The following GRM8 variants were observed in gnomAD, a reference collection of about 807,000 sequenced individuals.
GRM8 encodes metabotropic glutamate receptor 8.
In GRM8, 47 loss-of-function variants were observed where a neutral mutation model predicts 87.2. The observed-to-expected ratio is 0.54, with a 90% CI of 0.43 to 0.69. The LOEUF is 0.69. Among genes scored for constraint, GRM8 ranks in the 30% least tolerant of loss-of-function variants. GRM8 has a pLI of 0.00. For missense variants in GRM8, 1,019 were observed against 1,139.2 expected (o/e 0.89, Z 1.52); for synonymous variants, 396 against 404.5 (o/e 0.98, Z 0.25).
chr7:127,103,486 C>T (rs1347575122), intron 3 of GRM8, among the ~76,000 whole-genome samples: 1 of 152,192 alleles, frequency 6.6e-6, no homozygotes, highest in Non-Finnish European at 1.5e-5. Context: ...GTGGATGCCA[C>T]TTTGCTTCCT....
At position 126,662,040 on chromosome 7, in the gene GRM8, GT is replaced by G. The variant is rs891135970; in HGVS notation, c.1358-52543del. On this transcript the variant is annotated intron_variant, in intron 7 of 10. Transcript: ENST00000339582. ...CATGACTACATTCCTACTTTGCTCA[GT>G]TTTAATTTTATAATAAATACCTTAA... Among the ~76,000 whole-genome samples the G allele has an allele frequency of 4.4e-4, 67 of 152,080 alleles. 1 individual carries two copies. Among genetic ancestry groups the G allele is most frequent in the East Asian group, 5.8e-4 (3 of 5,194 alleles).
chr7:127,127,237 A>G (rs1827424662), intron 2 of GRM8, among the ~76,000 whole-genome samples: 1 of 152,058 alleles, frequency 6.6e-6, no homozygotes, highest in African/African-American at 2.4e-5. Flanking sequence ...CTTATAAAAT[A>G]TAAATATATG....
chr7:127,060,649 G>A (rs1385564289), intron 3 of GRM8, among the ~76,000 whole-genome samples: 1 of 152,062 alleles, frequency 6.6e-6, no homozygotes, highest in Non-Finnish European at 1.5e-5. Context: ...CTTAAGATTT[G>A]TTTCTTTAAG....
chr7:126,785,875 T>C (rs1017018967), intron 6 of GRM8, among the ~76,000 whole-genome samples: 36 of 152,112 alleles, frequency 2.4e-4, no homozygotes, highest in African/African-American at 8.2e-4. Flanking sequence ...AAACAAATGT[T>C]ATTTCCACTC....
At chr7:126,659,308 T>C (rs966777961) in intron 7 of GRM8, among the ~76,000 whole-genome samples, 1 of 152,206 alleles carries the variant, frequency 6.6e-6, no homozygotes, top group Non-Finnish European at 1.5e-5. Context: ...TGTGGTGGCA[T>C]TTCTGTTAAA....
intron 3 of GRM8, among the ~76,000 whole-genome samples, chr7:126,945,611 A>T (rs1459577942): frequency 6.6e-6 from 1 of 152,236 alleles, no homozygotes. Flanking sequence ...AATGAATTTC[A>T]TGTTTATACT....
intron 7 of GRM8, among the ~76,000 whole-genome samples, chr7:126,662,764 A>C (rs1289321046): frequency 6.6e-6 from 1 of 152,184 alleles, no homozygotes; most frequent in Non-Finnish European, 1.5e-5. Context: ...CATCCAGTAC[A>C]ACAAGAGTCG....
At chr7:126,727,690 C>A (rs1813149329) in intron 7 of GRM8, among the ~76,000 whole-genome samples, 1 of 148,254 alleles carries the variant, frequency 6.7e-6, no homozygotes, top group South Asian at 2.2e-4. Flanking sequence ...AAAACACTTG[C>A]TCATCTGAAA....
chr7:127,166,936 AG>A (rs1210093312), intron 2 of GRM8, among the ~76,000 whole-genome samples: 1 of 152,172 alleles, frequency 6.6e-6, no homozygotes, highest in Non-Finnish European at 1.5e-5. Flanking sequence ...CCCTGATCAA[AG>A]GAAAGGATTC....
intron 9 of GRM8, among the ~76,000 whole-genome samples, chr7:126,507,833 C>T (rs566725236): frequency 6.6e-6 from 1 of 152,096 alleles, no homozygotes; most frequent in South Asian, 2.1e-4. Flanking sequence ...ATCTTCAACC[C>T]TAATTCCCTG....
At chr7:126,802,597 A>T (rs1008892198) in intron 6 of GRM8, among the ~76,000 whole-genome samples, 1 of 152,170 alleles carries the variant, frequency 6.6e-6, no homozygotes, top group Non-Finnish European at 1.5e-5. Flanking sequence ...CATTTTGATA[A>T]GTGGAATAAG....
At chr7:126,746,591 C>T (rs540565692) in intron 7 of GRM8, among the ~76,000 whole-genome samples, 172 of 151,654 alleles carry the variant, frequency 1.1e-3, no homozygotes, top group African/African-American at 3.7e-3. Flanking sequence ...TGACTAGTCC[C>T]TCTAAGAACA....
At chr7:127,223,976 A>C (rs1430567175) in intron 2 of GRM8, among the ~76,000 whole-genome samples, 1 of 151,808 alleles carries the variant, frequency 6.6e-6, no homozygotes, top group Non-Finnish European at 1.5e-5. Context: ...ACAGAGGCCA[A>C]AAAAAATCTG....
chr7:126,640,568 T>C (rs1193636296), intron 7 of GRM8, among the ~76,000 whole-genome samples: 1 of 152,210 alleles, frequency 6.6e-6, no homozygotes, highest in Non-Finnish European at 1.5e-5. Context: ...TCTGTCAGTA[T>C]GGACAAAGAA....
At chr7:126,456,283 G>A (rs1394121750) in intron 9 of GRM8, among the ~76,000 whole-genome samples, 1 of 151,344 alleles carries the variant, frequency 6.6e-6, no homozygotes, top group East Asian at 2.0e-4. Context: ...ACTCTCCACT[G>A]CCTCTTATTC....
intron 6 of GRM8, among the ~76,000 whole-genome samples, chr7:126,796,774 T>C (rs1821996922): frequency 6.6e-6 from 1 of 152,040 alleles, no homozygotes. Context: ...AGAGCCCTCC[T>C]CTCATGGATA....
intron 2 of GRM8, among the ~76,000 whole-genome samples, chr7:127,116,356 TG>T (rs1219775087): frequency 6.6e-6 from 1 of 151,716 alleles, no homozygotes; most frequent in Admixed American, 6.5e-5. Context: ...TGTTCTTTAA[TG>T]GTTACTTTTT....
At chr7:126,799,417 G>A (rs1166907727) in intron 6 of GRM8, among the ~76,000 whole-genome samples, 1 of 152,140 alleles carries the variant, frequency 6.6e-6, no homozygotes, top group Non-Finnish European at 1.5e-5. Context: ...ATGAAGATTA[G>A]TAGGATGGAT....
chr7:126,943,869 C>T (rs975247601), intron 3 of GRM8, among the ~76,000 whole-genome samples: 1 of 152,214 alleles, frequency 6.6e-6, no homozygotes, highest in Non-Finnish European at 1.5e-5. Context: ...GAGCATTTCA[C>T]TTGTCGAAGG....
Sources: gnomAD v4.1 joint callset for allele counts (sites outside exome capture counted in the v4.1 genomes callset) on GRCh38, gnomAD v4.1.1 for gene constraint, MANE v1.5 for transcripts, NCBI Gene and HGNC (gene_info 2026-07-23, HGNC 2026-07-21) for gene names.